Variants in USP40 observed in about 807,000 individuals in gnomAD.
The protein encoded by USP40 is ubiquitin carboxyl-terminal hydrolase 40.
In USP40, 143 loss-of-function variants were observed where a neutral mutation model predicts 166.2. That is an observed-to-expected ratio of 0.86 (90% CI 0.75 to 0.99). The LOEUF (loss-of-function observed/expected upper bound fraction) is 0.99. Among genes scored for constraint, USP40 ranks in the 50% least tolerant of loss-of-function variants. The pLI, the probability that USP40 is intolerant of heterozygous loss-of-function variation, is 0.00. For synonymous variants in USP40, 498 were observed against 524.0 expected, an observed-to-expected ratio of 0.95 and a Z score of 0.68; for missense variants, 1,444 against 1,479.7, an observed-to-expected ratio of 0.98 and a Z score of 0.40.
At chr2:233,558,604 G>A (rs1231224798) in intron 4 of USP40, among the ~76,000 whole-genome samples, 1 of 152,194 alleles carries the variant, frequency 6.6e-6, no homozygotes, top group East Asian at 1.9e-4. Context: ...CAGCGGCTGA[G>A]TTGAGGGGGA....
intron 31 of USP40, among the ~76,000 whole-genome samples, chr2:233,479,698 G>A (rs565954324): frequency 4.6e-5 from 7 of 151,810 alleles, no homozygotes; most frequent in South Asian, 2.1e-4. Flanking sequence ...AGCAGCCAGC[G>A]CTGCAGCCCC....
rs188443660 is a variant in USP40, at chr2:233,531,218, T to C, written c.1472-1706A>G. Among the ~76,000 whole-genome samples the C allele has an allele frequency of 1.0e-3, 154 of 152,324 alleles. 1 individual carries two copies. The highest frequency in any genetic ancestry group is 1.8e-3 in the Admixed American group (28 of 15,308). On this transcript the variant is annotated intron_variant, in intron 11 of 31. Transcript: ENST00000678225. Reference sequence around the variant, plus strand: ...TCCTGGGTTTACTGCTCTTTTTCAATGATCTGTCTACCTTTTTGCATTACC... The same window carrying C: ...TCCTGGGTTTACTGCTCTTTTTCAACGATCTGTCTACCTTTTTGCATTACC...
rs1158427662 is a variant in USP40, at chr2:233,510,392, C to CTTTTTTTTTTTTTTTTTTTTT, written c.2527-278_2527-258dup. Among the ~76,000 whole-genome samples, 4 of 68,688 alleles carry CTTTTTTTTTTTTTTTTTTTTT rather than the reference C, an allele frequency of 5.8e-5. 1 individual carries two copies. The highest frequency in any genetic ancestry group is 3.3e-4 in the Admixed American group (2 of 6,094). The allele number at this position is 68,688 out of a possible 152,430, so 45.1% of individuals were successfully genotyped here. On this transcript the variant is annotated intron_variant, in intron 20 of 31. Coordinates refer to ENST00000678225, the MANE Select transcript of USP40 (RefSeq NM_001365479.2). ...CCACATACACTACTTCTTTTTCTTT[C>CTTTTTTTTTTTTTTTTTTTTT]TTTTTTTTTTTTTTTTTTTTTTTTT...
chr2:233,487,554 C>T (rs540619042), intron 28 of USP40: 1 of 154,876 alleles, frequency 6.5e-6, no homozygotes, highest in African/African-American at 2.4e-5. Context: ...AGATAACTTT[C>T]TCATATAACA....
At chr2:233,518,462 G>A (rs1356176699) in intron 18 of USP40, among the ~76,000 whole-genome samples, 1 of 151,208 alleles carries the variant, frequency 6.6e-6, no homozygotes, top group Non-Finnish European at 1.5e-5. Context: ...AGCTACTTGG[G>A]AGGCTGAGGC....
In USP40 at chr2:233,551,402, T is replaced by C; in HGVS notation, c.811A>G (p.Ile271Val). 1 of 1,610,020 alleles carries C rather than the reference T, an allele frequency of 6.2e-7. No homozygotes were observed. Among genetic ancestry groups the C allele is most frequent in the East Asian group, 2.2e-5 (1 of 44,820 alleles). Residue 271 changes from isoleucine (I) to valine (V), a missense_variant, in exon 7 of 32, where the codon ATT (isoleucine) becomes GTT (valine). Physicochemically the swap from Ile to Val is conservative, Grantham distance 29 (BLOSUM62 3). Transcript: ENST00000678225. ...ETSCYTFPLR[I>V]NLKPFCEQSE... ...TGTTCACAAAAGGGCTTGAGATTAATCCGGAGAGGGAATGTATAACAGCTA... is the reference window on the plus strand; with the variant it reads ...TGTTCACAAAAGGGCTTGAGATTAACCCGGAGAGGGAATGTATAACAGCTA...
intron 25 of USP40, 110 bp from the exon 26 acceptor site, chr2:233,491,371 A>G (rs1198378782): frequency 1.2e-6 from 1 of 825,592 alleles, no homozygotes; most frequent in African/African-American, 1.7e-5. Context: ...AATTCCACTC[A>G]AGAGCCTCTG....
At chr2:233,561,135 C>T in intron 3 of USP40, 1 of 1,563,908 alleles carries the variant, frequency 6.4e-7, no homozygotes, top group African/African-American at 1.4e-5. Context: ...CGCTAAAACA[C>T]CCCAGTAAAT....
At chr2:233,555,357 G>C (rs1227208209) in intron 5 of USP40, among the ~76,000 whole-genome samples, 1 of 152,142 alleles carries the variant, frequency 6.6e-6, no homozygotes, top group Non-Finnish European at 1.5e-5. Context: ...TATATTTATA[G>C]TTCTGTATGT....
rs189382635 is a variant in USP40 at position 233,552,945 on chromosome 2, C to A, written c.694-1426G>T. ...AGCTGTTTAAGACAATGTTCAGTAA[C>A]CCACTGAGTGAACTGAGCTCAAGGT... is the stretch of plus-strand genomic sequence containing the variant. On this transcript the variant is annotated intron_variant, in intron 6 of 31. Transcript: ENST00000678225. Among the ~76,000 whole-genome samples the A allele has an allele frequency of 7.9e-5, 12 of 152,230 alleles. No homozygotes were observed. The East Asian group carries it at 2.3e-3, about 29-fold the overall frequency.
chr2:233,490,246 C>T (rs1014463900), intron 26 of USP40, among the ~76,000 whole-genome samples: 1 of 150,478 alleles, frequency 6.6e-6, no homozygotes, highest in African/African-American at 2.5e-5. Flanking sequence ...TCATTGCAAC[C>T]TCCCTGTCCT....
chr2:233,488,372 C>T, intron 27 of USP40, 68 bp from the exon 28 acceptor site: 1 of 1,427,776 alleles, frequency 7.0e-7, no homozygotes, highest in Admixed American at 2.2e-5. Context: ...TTTTTTTCCC[C>T]CAATTTTAAG....
In USP40 at chr2:233,496,804, C is replaced by T. The variant is rs748717168; in HGVS notation, c.2744G>A (p.Cys915Tyr). ...EDATLKELLI[C>Y]SGDTLLLIEG... ...AATTAAAAGCAAAGTATCTCCAGAA[C>T]ATATCAGAAGTTCTTTCAGTGTTGC... The change falls in exon 24 of 32, where the codon TGT becomes TAT. Residue 915 changes from cysteine (C) to tyrosine (Y), a missense_variant. Transcript: ENST00000678225. 2.5e-6 allele frequency: 4 copies of T among 1,612,386 alleles called. No individual in the cohort carries two copies. The highest frequency in any genetic ancestry group is 3.4e-6 in the Non-Finnish European group (4 of 1,179,364).
chr2:233,551,296 A>T (rs2070528703), intron 7 of USP40, 80 bp downstream of exon 7: 2 of 1,433,744 alleles, frequency 1.4e-6, no homozygotes, highest in African/African-American at 2.9e-5. Context: ...TCTCACAATA[A>T]ACCAACTGAA....
chr2:233,482,216 C>T (rs924032396), intron 30 of USP40, among the ~76,000 whole-genome samples: 1 of 152,082 alleles, frequency 6.6e-6, no homozygotes, highest in Non-Finnish European at 1.5e-5. Flanking sequence ...TTGCACATGA[C>T]ACAAGTTTTA....
chr2:233,492,593 AAT>A (rs2065418494), intron 25 of USP40: 1 of 152,214 alleles, frequency 6.6e-6, no homozygotes, highest in African/African-American at 2.4e-5. Flanking sequence ...ACTTTATGCC[AAT>A]TTTATAGCTC....
chr2:233,561,378 C>G (rs1173368841), intron 3 of USP40, among the ~76,000 whole-genome samples: 1 of 150,592 alleles, frequency 6.6e-6, no homozygotes, highest in African/African-American at 2.4e-5. Flanking sequence ...AGATATAGAT[C>G]AATGCAACAG....
intron 18 of USP40, among the ~76,000 whole-genome samples, chr2:233,517,451 C>T (rs547648133): frequency 1.2e-4 from 17 of 145,232 alleles, no homozygotes; most frequent in Non-Finnish European, 2.4e-4. Context: ...GTGGCGCGAT[C>T]TCGGCTCACT....
At position 233,519,807 on chromosome 2, in the gene USP40, AT is replaced by A. The variant is rs1159397853; in HGVS notation, c.2326-137del. ...ATTTAGTAGTTTTTGCCCACTGGAAATTTTTCCATCCCTGAAATCCTTTTAT... is the reference window on the plus strand; with the variant it reads ...ATTTAGTAGTTTTTGCCCACTGGAAATTTTCCATCCCTGAAATCCTTTTAT... On this transcript the variant is annotated intron_variant, in intron 17 of 31. Transcript: ENST00000678225. The A allele has an allele frequency of 3.7e-5, 19 of 513,042 alleles. 1 individual carries two copies. In the Admixed American group the frequency reaches 7.4e-4, roughly 20 times the overall value. 31.8% of individuals were successfully genotyped at this position (513,042 alleles called of 1,614,324 possible).
Sources: allele counts gnomAD v4.1 joint callset (sites outside exome capture counted in the v4.1 genomes callset), GRCh38; gene constraint gnomAD v4.1.1; transcripts MANE v1.5; gene names NCBI Gene and HGNC (gene_info 2026-07-23, HGNC 2026-07-21).